Variants in TTK observed in about 807,000 individuals in gnomAD.
The protein encoded by TTK is TTK protein kinase.
A neutral mutation model predicts 117.3 loss-of-function variants in TTK; 59 were observed. That is an observed-to-expected ratio of 0.50 (90% CI 0.41 to 0.62). TTK has a LOEUF of 0.62. TTK is among the 20% of genes least tolerant of loss of function. TTK has a pLI of 0.00. For synonymous variants in TTK, 302 were observed against 325.0 expected (o/e 0.93, Z 0.76); for missense variants, 921 against 989.4 (o/e 0.93, Z 0.93).
At position 80,031,207 on chromosome 6, in the gene TTK, CAT is replaced by C. The variant is rs561567924; in HGVS notation, c.1522-257_1522-256del. On this transcript the variant is annotated intron_variant, in intron 13 of 21. Transcript: ENST00000369798. ...TTTAAGCTTATAAGTTTGCAGATTG[CAT>C]ATTAAGTGGTTTTTTCCTCCTTAAA... Among the ~76,000 whole-genome samples the C allele has an allele frequency of 7.1e-4, 107 of 151,530 alleles. 2 individuals are homozygous for C. The East Asian group carries it at 0.015, about 22-fold the overall frequency.
At chr6:80,034,378 G>A (rs1767837824) in intron 14 of TTK, among the ~76,000 whole-genome samples, 1 of 152,174 alleles carries the variant, frequency 6.6e-6, no homozygotes, top group Non-Finnish European at 1.5e-5. Context: ...CCAGAACAGA[G>A]ACAGTGGGGG....
chr6:80,018,974 GTTA>G (rs757246288), intron 10 of TTK, among the ~76,000 whole-genome samples: 1 of 152,052 alleles, frequency 6.6e-6, no homozygotes, highest in Non-Finnish European at 1.5e-5. Flanking sequence ...TCTCTATTCT[GTTA>G]TTATGGCAAA....
intron 7 of TTK, 26 bp downstream of exon 7, chr6:80,011,827 T>C (rs1767166032): frequency 6.2e-7 from 1 of 1,612,500 alleles, no homozygotes; most frequent in African/African-American, 1.3e-5. Flanking sequence ...TCTGCTTGAT[T>C]AAGGTGGTGA....
At chr6:80,031,612 T>G in intron 14 of TTK, 53 bp downstream of exon 14, 4 of 1,314,080 alleles carry the variant, frequency 3.0e-6, no homozygotes, top group Non-Finnish European at 4.1e-6. Flanking sequence ...AAACTTTCTG[T>G]TTTTTTGTCT....
chr6:80,021,549 G>T (rs1484927595), intron 10 of TTK, among the ~76,000 whole-genome samples: 2 of 152,220 alleles, frequency 1.3e-5, no homozygotes, highest in Admixed American at 1.3e-4. Context: ...AGCAGCTGGG[G>T]ACTGGCCAGG....
At chr6:80,039,323 C>T (rs1268341663) in intron 18 of TTK, among the ~76,000 whole-genome samples, 1 of 151,776 alleles carries the variant, frequency 6.6e-6, no homozygotes, top group South Asian at 2.1e-4. Context: ...TTTAAGCAAC[C>T]TTTGAAACTG....
chr6:80,007,065 A>G (rs1767012015), intron 2 of TTK, among the ~76,000 whole-genome samples: 1 of 152,164 alleles, frequency 6.6e-6, no homozygotes, highest in South Asian at 2.1e-4. Flanking sequence ...TAAAAAGTAC[A>G]TTTCAGTGTG....
intron 16 of TTK, 121 bp from the exon 17 acceptor site, chr6:80,036,354 A>T: frequency 8.3e-7 from 1 of 1,200,220 alleles, no homozygotes; most frequent in Non-Finnish European, 1.1e-6. Flanking sequence ...TATATAAAAA[A>T]ATTATTGAAT....
At chr6:80,030,165 T>C (rs527392128) in intron 13 of TTK, among the ~76,000 whole-genome samples, 16 of 152,336 alleles carry the variant, frequency 1.1e-4, no homozygotes, top group African/African-American at 3.8e-4. Context: ...CTTAGTTAAA[T>C]TGAGGTTTAT....
chr6:80,037,888 TAATAATAATC>T (rs1767947240), intron 17 of TTK, 69 bp from the exon 18 acceptor site: 9 of 602,130 alleles, frequency 1.5e-5, no homozygotes, highest in Non-Finnish European at 2.0e-5. Context: ...ATAATAATAA[TAATAATAATC>T]TCAAAAAAAA....
rs767981089 is a variant in TTK, at chr6:80,035,037, A to G, written c.1667A>G (p.Asn556Ser). The G allele has an allele frequency of 1.7e-5, 27 of 1,599,510 alleles. No individual in the cohort carries two copies. The highest frequency in any genetic ancestry group is 3.3e-4 in the Middle Eastern group (2 of 5,976). ...KKQIYAIKYVNLEEADNQTLD... is the reference protein window; with the variant it reads ...KKQIYAIKYVSLEEADNQTLD... ...CAGATATATGCTATAAAATATGTGA[A>G]CTTAGAAGAAGCAGATAACCAAACT... Residue 556 changes from asparagine (N) to serine (S), a missense_variant, in exon 15 of 22, where the codon AAC becomes AGC. By Grantham distance (46) the Asn-to-Ser change is conservative (BLOSUM62 1). Coordinates refer to ENST00000369798, the MANE Select transcript of TTK (RefSeq NM_003318.5).
At chr6:80,042,028 T>G (rs1274712695) in intron 21 of TTK, 91 bp from the exon 22 acceptor site, 1 of 614,220 alleles carries the variant, frequency 1.6e-6, no homozygotes, top group African/African-American at 1.9e-5. Context: ...AATAAATGTA[T>G]TATATTTAGA....
At chr6:80,025,481 C>A (rs956940872) in intron 11 of TTK, among the ~76,000 whole-genome samples, 4 of 152,104 alleles carry the variant, frequency 2.6e-5, no homozygotes, top group African/African-American at 7.2e-5. Flanking sequence ...TAAAGCTGTC[C>A]TGAAATTGAA....
rs777888940 is a variant in TTK, at chr6:80,040,719, CT to C, written c.2490+19del. On this transcript the variant is annotated intron_variant, in intron 21 of 21. Transcript: ENST00000369798. ...AGCTGCTAAAGTAAGTATGTCTATTCTTTACATTAATTTTTACTGTTTTATA... is the reference window on the plus strand; with the variant it reads ...AGCTGCTAAAGTAAGTATGTCTATTCTTACATTAATTTTTACTGTTTTATA... 2.2e-5 allele frequency: 36 copies of C among 1,603,662 alleles called. No individual in the cohort carries two copies. The highest frequency in any genetic ancestry group is 2.9e-5 in the Non-Finnish European group (34 of 1,175,040).
intron 10 of TTK, among the ~76,000 whole-genome samples, chr6:80,016,030 G>A (rs1453136024): frequency 1.3e-5 from 2 of 152,200 alleles, no homozygotes; most frequent in East Asian, 1.9e-4. Flanking sequence ...CTTACTCACT[G>A]TTGTTTATGG....
intron 10 of TTK, among the ~76,000 whole-genome samples, chr6:80,017,554 C>T (rs1335731286): frequency 6.6e-6 from 1 of 152,220 alleles, no homozygotes. Context: ...GCTGGGATTA[C>T]AAGTGTGAGC....
intron 4 of TTK, among the ~76,000 whole-genome samples, chr6:80,009,990 T>A (rs1767100565): frequency 6.6e-6 from 1 of 152,112 alleles, no homozygotes; most frequent in East Asian, 1.9e-4. Context: ...TAAATGTAGA[T>A]GTAAGCACTA....
Position 80,035,161 on chromosome 6 carries a change from T to TTTAAAAAGAAAACTTTTTGGC in TTK, c.1772+38_1772+39insGCTTAAAAAGAAAACTTTTTG. ...ATGATTAGTAAGAATTCTTTTTAAA[T>TTTAAAAAGAAAACTTTTTGGC]TTAAAAAGAAAACTTTTTGCCATAA... On this transcript the variant is annotated intron_variant, in intron 15 of 21. Coordinates refer to ENST00000369798, the MANE Select transcript of TTK (RefSeq NM_003318.5). The TTTAAAAAGAAAACTTTTTGGC allele has an allele frequency of 6.5e-7, 1 of 1,537,692 alleles. No homozygotes were observed. Among genetic ancestry groups the TTTAAAAAGAAAACTTTTTGGC allele is most frequent in the Non-Finnish European group, 8.7e-7 (1 of 1,147,556 alleles).
chr6:80,011,363 A>G, intron 5 of TTK, 71 bp from the exon 6 acceptor site: 1 of 1,063,040 alleles, frequency 9.4e-7, no homozygotes, highest in East Asian at 2.6e-5. Flanking sequence ...AAATATTCTT[A>G]TTTGTAAGAT....
Sources: allele counts gnomAD v4.1 joint callset (sites outside exome capture counted in the v4.1 genomes callset), GRCh38; gene constraint gnomAD v4.1.1; transcripts MANE v1.5; gene names NCBI Gene and HGNC (gene_info 2026-07-23, HGNC 2026-07-21).